TENM3: variants seen among roughly 807,000 people sequenced by gnomAD.
TENM3 encodes the protein teneurin transmembrane protein 3.
In TENM3, 63 loss-of-function variants were observed where a neutral mutation model predicts 255.1. That is an observed-to-expected ratio of 0.25 (90% CI 0.20 to 0.30). The LOEUF is 0.30. Ranked by LOEUF, TENM3 falls within the 10% of genes least tolerant of loss-of-function variation. The probability of loss-of-function intolerance (pLI) is 1.00; values close to 1 mark genes in which losing one functional copy is unlikely to be tolerated. For missense variants in TENM3, 2,929 were observed against 3,461.1 expected, an observed-to-expected ratio of 0.85 and a Z score of 3.86; for synonymous variants, 1,306 against 1,322.3, an observed-to-expected ratio of 0.99 and a Z score of 0.27.
chr4:182,758,150 T>G (rs1034818648), intron 22 of TENM3, among the ~76,000 whole-genome samples: 1 of 152,186 alleles, frequency 6.6e-6, no homozygotes, highest in Non-Finnish European at 1.5e-5. Flanking sequence ...CCTTTATGCA[T>G]TTTGCAAAAT....
the TENM3 span, among the ~76,000 whole-genome samples, chr4:181,894,775 C>T: frequency 1.5e-4 from 22 of 151,560 alleles, no homozygotes; most frequent in East Asian, 3.9e-4. Flanking sequence ...CTCCAGCTTA[C>T]GATAGAATGA....
At chr4:182,413,446 G>C (rs887818566) in intron 3 of TENM3, among the ~76,000 whole-genome samples, 1 of 152,048 alleles carries the variant, frequency 6.6e-6, no homozygotes, top group Admixed American at 6.5e-5. Flanking sequence ...GCGAAACCCT[G>C]TCTCTACTAA....
chr4:182,761,279 C>T (rs1458930764), intron 22 of TENM3, among the ~76,000 whole-genome samples: 1 of 152,026 alleles, frequency 6.6e-6, no homozygotes, highest in Non-Finnish European at 1.5e-5. Context: ...ATTAGCCGGG[C>T]GTGGTGGCAC....
At chr4:181,534,753 C>A in the TENM3 span, among the ~76,000 whole-genome samples, 17 of 152,180 alleles carry the variant, frequency 1.1e-4, no homozygotes, top group Non-Finnish European at 2.1e-4. Flanking sequence ...CTCCACCCGC[C>A]GTTCACTGTT....
At chr4:181,950,396 C>T in the TENM3 span, among the ~76,000 whole-genome samples, 27 of 152,210 alleles carry the variant, frequency 1.8e-4, no homozygotes, top group Non-Finnish European at 3.4e-4. Context: ...GTTTGGTGGT[C>T]TCTTCACAGG....
intron 1 of TENM3, among the ~76,000 whole-genome samples, chr4:182,234,044 A>G (rs916591308): frequency 1.3e-5 from 2 of 152,166 alleles, no homozygotes; most frequent in African/African-American, 2.4e-5. Flanking sequence ...CTTAGTAGCC[A>G]TAGGAGCAGA....
intron 1 of TENM3, among the ~76,000 whole-genome samples, chr4:182,236,985 G>A (rs1331953158): frequency 6.6e-6 from 1 of 152,152 alleles, no homozygotes; most frequent in East Asian, 1.9e-4. Context: ...TTTTCCTGAT[G>A]CTCTCCTCCT....
chr4:182,162,582 T>C (rs1751428084), intron 1 of TENM3, among the ~76,000 whole-genome samples: 1 of 152,206 alleles, frequency 6.6e-6, no homozygotes, highest in Non-Finnish European at 1.5e-5. Flanking sequence ...TTCATGCTGC[T>C]GTAACAAGAC....
At chr4:181,576,890 C>T in the TENM3 span, among the ~76,000 whole-genome samples, 19 of 139,604 alleles carry the variant, frequency 1.4e-4, no homozygotes, top group African/African-American at 4.0e-4. Flanking sequence ...CTCGGCTCAC[C>T]GCAACCTCTG....
the TENM3 span, among the ~76,000 whole-genome samples, chr4:181,840,302 A>G: frequency 0.052 from 7,978 of 152,148 alleles, 295 homozygotes; most frequent in Non-Finnish European, 0.078. Context: ...TCTGTGGCTG[A>G]TAATTTTAAT....
chr4:182,022,374 C>T, the TENM3 span, among the ~76,000 whole-genome samples: 2 of 151,744 alleles, frequency 1.3e-5, no homozygotes, highest in Non-Finnish European at 2.9e-5. Context: ...ATGGAAACAA[C>T]AGACACTGGG....
intron 2 of TENM3, among the ~76,000 whole-genome samples, chr4:182,330,141 C>T (rs946930432): frequency 4.6e-5 from 7 of 152,070 alleles, no homozygotes; most frequent in African/African-American, 1.2e-4. Flanking sequence ...TTTTCCCATG[C>T]GTCACTAGTT....
the TENM3 span, among the ~76,000 whole-genome samples, chr4:181,579,412 A>G: frequency 6.6e-6 from 1 of 152,158 alleles, no homozygotes; most frequent in Non-Finnish European, 1.5e-5. Context: ...CCTAGGAAAA[A>G]CATTCTACTT....
At chr4:181,861,510 C>T in the TENM3 span, among the ~76,000 whole-genome samples, 1 of 152,140 alleles carries the variant, frequency 6.6e-6, no homozygotes, top group East Asian at 1.9e-4. Context: ...AGGGCTAGAA[C>T]TTGCTGAGTG....
the TENM3 span, among the ~76,000 whole-genome samples, chr4:182,061,636 T>TA: frequency 1.3e-5 from 2 of 152,066 alleles, no homozygotes; most frequent in Admixed American, 6.6e-5. Flanking sequence ...CTGCCTTACT[T>TA]ACAATTAAGC....
intron 1 of TENM3, among the ~76,000 whole-genome samples, chr4:182,163,936 C>T (rs1302958070): frequency 2.0e-5 from 3 of 152,280 alleles, no homozygotes; most frequent in Middle Eastern, 6.8e-3. Flanking sequence ...CTTGCAATGT[C>T]ATAGATTCCC....
chr4:182,539,809 G>T (rs79228082), intron 3 of TENM3, among the ~76,000 whole-genome samples: 40 of 152,324 alleles, frequency 2.6e-4, no homozygotes, highest in African/African-American at 9.4e-4. Context: ...GTGTGGGTGA[G>T]GTTGAATTTG....
intron 1 of TENM3, among the ~76,000 whole-genome samples, chr4:182,182,311 A>G (rs1231375667): frequency 6.6e-6 from 1 of 152,164 alleles, no homozygotes; most frequent in Non-Finnish European, 1.5e-5. Context: ...TTAAAATGTT[A>G]ATATCTACTG....
chr4:181,504,334 C>T, the TENM3 span, among the ~76,000 whole-genome samples: 2 of 152,172 alleles, frequency 1.3e-5, no homozygotes, highest in South Asian at 4.1e-4. Context: ...TGCATTTTCC[C>T]CCAATCCTTT....
Sources: gnomAD v4.1 joint callset for allele counts (sites outside exome capture counted in the v4.1 genomes callset) on GRCh38, gnomAD v4.1.1 for gene constraint, MANE v1.5 for transcripts, NCBI Gene and HGNC (gene_info 2026-07-23, HGNC 2026-07-21) for gene names.